The following IL1RAPL2 variants were observed in gnomAD, a reference collection of about 807,000 sequenced individuals.
IL1RAPL2 encodes the protein interleukin 1 receptor accessory protein like 2.
IL1RAPL2 carries 3 observed loss-of-function variants against 44.1 expected under a neutral mutation model. That is an observed-to-expected ratio of 0.07 (90% CI 0.03 to 0.18). The LOEUF (loss-of-function observed/expected upper bound fraction) is 0.18, where lower values mean the gene tolerates loss of function less well. IL1RAPL2 is among the 10% of genes least tolerant of loss of function. The pLI, the probability that IL1RAPL2 is intolerant of heterozygous loss-of-function variation, is 1.00. For synonymous variants in IL1RAPL2, 181 were observed against 178.8 expected, an observed-to-expected ratio of 1.01 and a Z score of -0.10; for missense variants, 391 against 496.4, an observed-to-expected ratio of 0.79 and a Z score of 2.02.
intron 1 of IL1RAPL2, among the ~76,000 whole-genome samples, chrX:104,591,925 C>A (rs1356840597): frequency 1.8e-5 from 2 of 110,188 alleles, no homozygotes; most frequent in Non-Finnish European, 3.8e-5. Context: ...TCAAGAAATT[C>A]TCTTCCTTTT....
intron 3 of IL1RAPL2, among the ~76,000 whole-genome samples, chrX:105,231,753 T>C (rs1556195999): frequency 8.9e-6 from 1 of 112,195 alleles, no homozygotes; most frequent in African/African-American, 3.2e-5. Flanking sequence ...AATGCCAGTG[T>C]GGCTGCACCC....
intron 2 of IL1RAPL2, among the ~76,000 whole-genome samples, chrX:105,096,808 G>A (rs1306140736): frequency 9.0e-6 from 1 of 111,721 alleles, no homozygotes; most frequent in East Asian, 2.8e-4. Context: ...CAAAGCCACT[G>A]AATTGCACAC....
chrX:105,054,152 T>TAC (rs921235595), intron 2 of IL1RAPL2, among the ~76,000 whole-genome samples: 31 of 109,991 alleles, frequency 2.8e-4, no homozygotes, highest in Admixed American at 7.8e-4. Context: ...GGCACACTAA[T>TAC]ACACACACAC....
chrX:105,269,500 T>C, intron 5 of IL1RAPL2, among the ~76,000 whole-genome samples: 1 of 111,613 alleles, frequency 9.0e-6, no homozygotes, highest in Non-Finnish European at 1.9e-5. Context: ...TCTATGAAAG[T>C]TTAAAAATTC....
At chrX:104,768,935 G>A (rs896777171) in intron 2 of IL1RAPL2, among the ~76,000 whole-genome samples, 3 of 111,025 alleles carry the variant, frequency 2.7e-5, no homozygotes, top group Non-Finnish European at 5.7e-5. Context: ...CAGAGTTGCT[G>A]AGCATACTGT....
chrX:105,138,491 AAAGC>A (rs1383407420), intron 2 of IL1RAPL2, among the ~76,000 whole-genome samples: 1 of 106,755 alleles, frequency 9.4e-6, no homozygotes, highest in African/African-American at 3.4e-5. Context: ...AAAAAAAAAA[AAAGC>A]AGAAAATGAA....
At position 105,109,944 on chromosome X, in the gene IL1RAPL2, G is replaced by A. The variant is rs185127334; in HGVS notation, c.83-85531G>A. ...AACTGCTTTTACCTCCTTAGGAACC[G>A]GCAACTGAAAGAGAAAACATGGGTC... On this transcript the variant is annotated intron_variant, in intron 2 of 10. Coordinates refer to ENST00000372582, the MANE Select transcript of IL1RAPL2 (RefSeq NM_017416.2). Among the ~76,000 whole-genome samples, 14 of 111,683 alleles carry A rather than the reference G, an allele frequency of 1.3e-4. 1 individual carries two copies. The highest frequency in any genetic ancestry group is 1.1e-3 in the Admixed American group (12 of 10,556).
intron 1 of IL1RAPL2, among the ~76,000 whole-genome samples, chrX:104,631,669 C>T (rs1181290422): frequency 5.4e-5 from 6 of 111,977 alleles, no homozygotes; most frequent in Non-Finnish European, 7.5e-5. Context: ...ATCCTTTGCC[C>T]ATTTGTTGAT....
intron 5 of IL1RAPL2, among the ~76,000 whole-genome samples, chrX:105,345,487 A>G (rs2035104095): frequency 1.8e-5 from 2 of 111,877 alleles, no homozygotes; most frequent in African/African-American, 6.5e-5. Context: ...GACCCAGGAC[A>G]GTGTTTGGCA....
intron 2 of IL1RAPL2, among the ~76,000 whole-genome samples, chrX:105,117,842 T>G (rs1432157290): frequency 8.9e-6 from 1 of 111,798 alleles, no homozygotes; most frequent in Non-Finnish European, 1.9e-5. Context: ...AACAGACTAA[T>G]ACATATTGCT....
At chrX:104,770,055 AT>A (rs952017867) in intron 2 of IL1RAPL2, among the ~76,000 whole-genome samples, 43 of 109,645 alleles carry the variant, frequency 3.9e-4, no homozygotes, top group Admixed American at 9.8e-5. Context: ...GACATCTAGG[AT>A]TTTTTTTTGT....
intron 2 of IL1RAPL2, among the ~76,000 whole-genome samples, chrX:105,015,497 G>A (rs1038940707): frequency 1.8e-5 from 2 of 111,785 alleles, no homozygotes; most frequent in African/African-American, 3.3e-5. Context: ...TGTATAAGGC[G>A]TAAAGAAGAG....
chrX:105,041,710 G>C (rs1469337795), intron 2 of IL1RAPL2, among the ~76,000 whole-genome samples: 1 of 108,355 alleles, frequency 9.2e-6, no homozygotes, highest in Non-Finnish European at 1.9e-5. Context: ...TTTCTTCACA[G>C]AATTGGAAAA....
At chrX:104,983,284 A>G (rs2030477778) in intron 2 of IL1RAPL2, among the ~76,000 whole-genome samples, 1 of 106,487 alleles carries the variant, frequency 9.4e-6, no homozygotes, top group Non-Finnish European at 1.9e-5. Flanking sequence ...CAGGGAGGTA[A>G]AAAACATGGC....
At chrX:104,877,239 A>T (rs1010680121) in intron 2 of IL1RAPL2, among the ~76,000 whole-genome samples, 1 of 111,402 alleles carries the variant, frequency 9.0e-6, no homozygotes, top group Non-Finnish European at 1.9e-5. Flanking sequence ...CTTTGGGTAT[A>T]TACCCAGTAA....
At chrX:104,721,973 CTTGCTCTAA>C (rs1301125147) in intron 2 of IL1RAPL2, among the ~76,000 whole-genome samples, 3 of 111,366 alleles carry the variant, frequency 2.7e-5, no homozygotes, top group South Asian at 7.5e-4. Context: ...AGCACAGTAT[CTTGCTCTAA>C]TAGCTATTCT....
At chrX:105,008,946 G>A (rs1262547624) in intron 2 of IL1RAPL2, among the ~76,000 whole-genome samples, 3 of 111,715 alleles carry the variant, frequency 2.7e-5, no homozygotes, top group East Asian at 5.6e-4. Flanking sequence ...AAGGATATTA[G>A]CAGACACTTC....
chrX:105,253,683 G>T (rs1444574797), intron 4 of IL1RAPL2, among the ~76,000 whole-genome samples: 1 of 111,198 alleles, frequency 9.0e-6, no homozygotes, highest in Non-Finnish European at 1.9e-5. Flanking sequence ...GTATCCAATA[G>T]TTATCTTTTC....
chrX:105,468,597 AACTGGACCCTATTT>A (rs1440961567), intron 5 of IL1RAPL2, among the ~76,000 whole-genome samples: 1 of 111,536 alleles, frequency 9.0e-6, no homozygotes, highest in Non-Finnish European at 1.9e-5. Flanking sequence ...GGACCCTACA[AACTGGACCCTATTT>A]AACTGGTACA....
Sources: gnomAD v4.1 joint callset for allele counts (sites outside exome capture counted in the v4.1 genomes callset) on GRCh38, gnomAD v4.1.1 for gene constraint, MANE v1.5 for transcripts, NCBI Gene and HGNC (gene_info 2026-07-23, HGNC 2026-07-21) for gene names.